Variants in STKLD1 observed in about 807,000 individuals in gnomAD.
STKLD1 encodes serine/threonine kinase-like domain-containing protein STKLD1.
STKLD1 carries 79 observed loss-of-function variants against 80.4 expected under a neutral mutation model. That is an observed-to-expected ratio of 0.98 (90% CI 0.82 to 1.19). The LOEUF is 1.19. STKLD1 is among the 50% of genes most tolerant of loss of function. STKLD1 has a pLI of 0.00. For synonymous variants in STKLD1, 393 were observed against 357.6 expected, an observed-to-expected ratio of 1.10 and a Z score of -1.12; for missense variants, 841 against 856.0, an observed-to-expected ratio of 0.98 and a Z score of 0.22.
chr9:133,395,508 G>T, intron 8 of STKLD1, 92 bp from the exon 9 acceptor site: 1 of 1,415,056 alleles, frequency 7.1e-7, no homozygotes, highest in East Asian at 2.3e-5. Context: ...TCTCCTCCTG[G>T]ATTTCTTGGT....
intron 10 of STKLD1, 146 bp from the exon 11 acceptor site, chr9:133,397,826 G>A: frequency 3.2e-6 from 2 of 632,110 alleles, no homozygotes; most frequent in Non-Finnish European, 5.5e-6. Flanking sequence ...AAGTGGGGAT[G>A]GTAACAGCCC....
chr9:133,382,870 T>G (rs1588737788), intron 2 of STKLD1, among the ~76,000 whole-genome samples: 1 of 135,900 alleles, frequency 7.4e-6, no homozygotes, highest in Non-Finnish European at 1.5e-5. Flanking sequence ...GGTGGTGTGA[T>G]GGTGATGGTG....
chr9:133,389,709 GGCCAGTGCA>G lies in STKLD1; in HGVS notation c.467+119_467+127del. 1.3e-6 allele frequency: 2 copies of G among 1,509,360 alleles called. No individual in the cohort carries two copies. The highest frequency in any genetic ancestry group is 1.2e-5 in the South Asian group (1 of 80,154). The allele number at this position is 1,509,360 out of a possible 1,614,324, so 93.5% of individuals were successfully genotyped here. A position where few individuals can be genotyped will look rare whatever the true frequency, so the allele number is the denominator to read the frequency against. On this transcript the variant is annotated intron_variant, in intron 6 of 17. Coordinates refer to ENST00000371957, the MANE Select transcript of STKLD1 (RefSeq NM_153710.5). The surrounding 1 kb of genome is among the most constrained non-coding windows in gnomAD (Gnocchi z 6.4). ...AGGATCTGGGGAGAAAGGTGCACCG[GGCCAGTGCA>G]GCCAGGATAGGATGGGACCTTACAG...
At chr9:133,378,170 T>C (rs950435485) in intron 1 of STKLD1, among the ~76,000 whole-genome samples, 2 of 152,204 alleles carry the variant, frequency 1.3e-5, no homozygotes, top group Admixed American at 6.5e-5. Flanking sequence ...ACGGACTAGG[T>C]TGGGGACCCC....
rs1838495119 is a variant in STKLD1 at position 133,394,152 on chromosome 9, G to A, written c.584-139G>A. The A allele has an allele frequency of 2.9e-6, 2 of 682,132 alleles. No homozygotes were observed. Among genetic ancestry groups the A allele is most frequent in the Non-Finnish European group, 5.4e-6 (2 of 373,486 alleles). 42.3% of individuals were successfully genotyped at this position (682,132 alleles called of 1,614,324 possible). A position where few individuals can be genotyped will look rare whatever the true frequency, so the allele number is the denominator to read the frequency against. On this transcript the variant is annotated intron_variant, in intron 7 of 17. Coordinates refer to ENST00000371957, the MANE Select transcript of STKLD1 (RefSeq NM_153710.5). The surrounding 1 kb of genome is among the most constrained non-coding windows in gnomAD (Gnocchi z 4.9). ...TAATATTCTCCACCTCTTCTGAGAA[G>A]AGGACCTGCAGGGCTTGTGTTTCAA...
chr9:133,386,816 C>T (rs2130278219), intron 4 of STKLD1, among the ~76,000 whole-genome samples: 10 of 152,320 alleles, frequency 6.6e-5, no homozygotes, highest in African/African-American at 1.7e-4. Flanking sequence ...TTCTGCCAGG[C>T]GCCAGCCTGC....
At chr9:133,399,752 G>A (rs1554777286) in intron 11 of STKLD1, among the ~76,000 whole-genome samples, 1 of 152,174 alleles carries the variant, frequency 6.6e-6, no homozygotes, top group East Asian at 1.9e-4. Context: ...GGTGGCGCAT[G>A]CCTGTAATCT....
Position 133,405,460 on chromosome 9 carries a change from G to A in STKLD1, c.*39G>A, listed in dbSNP as rs41316994. On this transcript the variant is annotated 3_prime_UTR_variant, in exon 18 of 18. Transcript: ENST00000371957. ...ACTGACCTTGATCTCCACGTGTATA[G>A]TTTTCAAGACTGCTCTCCTGCCTGC... 3 of 1,552,262 alleles carry A rather than the reference G, an allele frequency of 1.9e-6. No homozygotes were observed. Among genetic ancestry groups the A allele is most frequent in the African/African-American group, 1.4e-5 (1 of 73,318 alleles).
chr9:133,381,653 T>TGGAGAGGA (rs1348417351), intron 2 of STKLD1, among the ~76,000 whole-genome samples: 3 of 133,092 alleles, frequency 2.3e-5, no homozygotes, highest in East Asian at 2.3e-4. Context: ...TTTCTCCATA[T>TGGAGAGGA]TGGTCAGGCT....
At position 133,402,891 on chromosome 9, in the gene STKLD1, G is replaced by A. The variant is rs149530402; in HGVS notation, c.1353G>A (p.Leu451=). ...AITTTQESES[L]SEELQNAGLL... is the part of the protein sequence containing the mutation. ...GCTCACCCACAGAGTCAGAGTCACTGTCAGAGGAGCTGCAGAATGCTGGGC... is the reference window on the plus strand; with the variant it reads ...GCTCACCCACAGAGTCAGAGTCACTATCAGAGGAGCTGCAGAATGCTGGGC... Residue 451 remains leucine (L), a synonymous_variant, in exon 14 of 18, where the codon CTG becomes CTA. Coordinates refer to ENST00000371957, the MANE Select transcript of STKLD1 (RefSeq NM_153710.5). The A allele has an allele frequency of 3.1e-6, 5 of 1,595,626 alleles. No individual in the cohort carries two copies. Among genetic ancestry groups the A allele is most frequent in the South Asian group, 1.1e-5 (1 of 87,740 alleles).
intron 13 of STKLD1, among the ~76,000 whole-genome samples, chr9:133,402,275 C>T (rs929721932): frequency 6.6e-6 from 1 of 152,154 alleles, no homozygotes. Context: ...GAGGGCCATA[C>T]AGAGCGCTCA....
chr9:133,380,585 G>A (rs2130263945), intron 2 of STKLD1, among the ~76,000 whole-genome samples: 26 of 152,054 alleles, frequency 1.7e-4, no homozygotes, highest in Non-Finnish European at 2.8e-4. Context: ...CCCGGGCGGC[G>A]GAGGTTGCAG....
At position 133,378,921 on chromosome 9, in the gene STKLD1, G is replaced by C. The variant is rs1444020137; in HGVS notation, c.88-115G>C. ...ATTGCAAGATGGGGTGGAGCCACTT[G>C]CTCTGCCAGCCTGACAGGGGAGTTA... is the stretch of plus-strand genomic sequence containing the variant. On this transcript the variant is annotated intron_variant, in intron 1 of 17. Coordinates refer to ENST00000371957, the MANE Select transcript of STKLD1 (RefSeq NM_153710.5). The C allele has an allele frequency of 3.5e-6, 3 of 859,742 alleles. No homozygotes were observed. In the Admixed American group the frequency reaches 7.9e-5, roughly 23 times the overall value. The allele number at this position is 859,742 out of a possible 1,614,324, so 53.3% of individuals were successfully genotyped here.
At chr9:133,381,131 CTTTTT>C (rs35031853) in intron 2 of STKLD1, among the ~76,000 whole-genome samples, 1 of 69,166 alleles carries the variant, frequency 1.4e-5, no homozygotes, top group Non-Finnish European at 2.6e-5. Flanking sequence ...TACGATGTAA[CTTTTT>C]TTTTTTTTTT....
intron 2 of STKLD1, among the ~76,000 whole-genome samples, chr9:133,380,241 GC>G (rs1033666798): frequency 6.6e-6 from 1 of 151,858 alleles, no homozygotes; most frequent in African/African-American, 2.4e-5. Context: ...TCACCGTGTT[GC>G]CCAGGCTGGT....
In STKLD1 at chr9:133,387,554, G is replaced by T. The variant is rs2130279979; in HGVS notation, c.396+6G>T. On this transcript the variant is annotated splice_donor_region_variant and intron_variant, in intron 5 of 17. Coordinates refer to ENST00000371957, the MANE Select transcript of STKLD1 (RefSeq NM_153710.5). The stretch of plus-strand genomic sequence containing the variant: ...AGAAAATCATTGACTCTGAGGTGAG[G>T]TCCTTTGGGGCACCAGGCCTGGGGG... The T allele has an allele frequency of 6.2e-7, 1 of 1,612,166 alleles. No individual in the cohort carries two copies. Among genetic ancestry groups the T allele is most frequent in the East Asian group, 2.2e-5 (1 of 44,862 alleles).
Position 133,390,292 on chromosome 9 carries a change from C to T in STKLD1, c.468-389C>T, listed in dbSNP as rs1588744383. Among the ~76,000 whole-genome samples the T allele has an allele frequency of 6.6e-6, 1 of 151,668 alleles. No homozygotes were observed. Among genetic ancestry groups the T allele is most frequent in the Non-Finnish European group, 1.5e-5 (1 of 67,984 alleles). On this transcript the variant is annotated intron_variant, in intron 6 of 17. Transcript: ENST00000371957. This position sits in a 1 kb window ranked among gnomAD's most constrained non-coding sequence, Gnocchi z 5.1. ...GTACAAAGGGAATGCTCACATTCCA[C>T]ATCCAGTGTTCATGTCACTAGACGT... is the stretch of plus-strand genomic sequence containing the variant.
intron 11 of STKLD1, 152 bp from the exon 12 acceptor site, chr9:133,400,261 T>C (rs1053470866): frequency 5.5e-5 from 35 of 631,438 alleles, no homozygotes; most frequent in Admixed American, 2.5e-4. Context: ...ATGCACTCCA[T>C]GGACCTAGCG....
At chr9:133,393,530 T>C (rs1645500923) in intron 7 of STKLD1, among the ~76,000 whole-genome samples, 1 of 145,534 alleles carries the variant, frequency 6.9e-6, no homozygotes, top group Non-Finnish European at 1.5e-5. Flanking sequence ...GGTAGGTGTA[T>C]GGATGAATGG....
Sources: allele counts gnomAD v4.1 joint callset (sites outside exome capture counted in the v4.1 genomes callset), GRCh38; gene constraint gnomAD v4.1.1; non-coding constraint Gnocchi (gnomAD v3.1); transcripts MANE v1.5; gene names NCBI Gene and HGNC (gene_info 2026-07-23, HGNC 2026-07-21).